Variants in RBL1 observed in about 807,000 individuals in gnomAD.
RBL1 encodes the protein retinoblastoma-like protein 1.
In RBL1, 82 loss-of-function variants were observed where a neutral mutation model predicts 123.0. The observed-to-expected ratio is 0.67, with a 90% CI of 0.56 to 0.80. The LOEUF (loss-of-function observed/expected upper bound fraction) is 0.80, where lower values mean the gene tolerates loss of function less well. Ranked by LOEUF, RBL1 falls within the 30% of genes least tolerant of loss-of-function variation. The pLI, the probability that RBL1 is intolerant of heterozygous loss-of-function variation, is 0.00. For missense variants in RBL1, 1,171 were observed against 1,299.6 expected (o/e 0.90, Z 1.52); for synonymous variants, 405 against 441.3 (o/e 0.92, Z 1.03).
At chr20:37,095,259 A>G (rs1324791370) in intron 1 of RBL1, among the ~76,000 whole-genome samples, 1 of 152,012 alleles carries the variant, frequency 6.6e-6, no homozygotes, top group Non-Finnish European at 1.5e-5. Context: ...CAGAGGGTGG[A>G]GGTTAAACGG....
intron 13 of RBL1, 48 bp downstream of exon 13, chr20:37,044,033 GTTTTT>G: frequency 2.0e-5 from 18 of 912,598 alleles, no homozygotes; most frequent in South Asian, 7.4e-5. Context: ...AATAAAGCTG[GTTTTT>G]TTTTTTTTTT....
intron 15 of RBL1, among the ~76,000 whole-genome samples, chr20:37,033,614 CTTT>C (rs1379232315): frequency 3.2e-5 from 4 of 125,774 alleles, no homozygotes; most frequent in East Asian, 2.4e-4. Context: ...TGCAGCTGGA[CTTT>C]TTTTTTTTTT....
intron 2 of RBL1, among the ~76,000 whole-genome samples, chr20:37,077,893 T>G (rs1236365847): frequency 1.3e-5 from 2 of 152,136 alleles, no homozygotes; most frequent in Non-Finnish European, 2.9e-5. Context: ...AAATTTAAAA[T>G]TTACCAATTG....
intron 14 of RBL1, among the ~76,000 whole-genome samples, chr20:37,037,680 G>GT (rs60536656): frequency 0.026 from 3,745 of 143,506 alleles, 138 homozygotes; most frequent in African/African-American, 0.082. Flanking sequence ...ATGCAATCTT[G>GT]TTTTTTTTTT....
intron 16 of RBL1, among the ~76,000 whole-genome samples, chr20:37,029,126 C>T (rs149063313): frequency 6.6e-6 from 1 of 152,156 alleles, no homozygotes; most frequent in East Asian, 1.9e-4. Context: ...TCAAGTGATA[C>T]AGGAAAGCAT....
chr20:37,046,720 T>G (rs1176276161), intron 12 of RBL1, among the ~76,000 whole-genome samples: 4 of 151,998 alleles, frequency 2.6e-5, no homozygotes, highest in African/African-American at 9.7e-5. Flanking sequence ...GCAATTCTCC[T>G]GCCTCAGCCT....
intron 16 of RBL1, among the ~76,000 whole-genome samples, chr20:37,023,214 T>C (rs1309819521): frequency 6.6e-6 from 1 of 152,038 alleles, no homozygotes; most frequent in East Asian, 1.9e-4. Flanking sequence ...CTCTGCCTTC[T>C]GCATTCAAGC....
intron 21 of RBL1, among the ~76,000 whole-genome samples, chr20:37,001,947 C>G (rs1227256205): frequency 2.2e-5 from 3 of 137,210 alleles, no homozygotes; most frequent in Non-Finnish European, 3.1e-5. Flanking sequence ...AAAAAACAAA[C>G]CAAACCAATC....
At chr20:37,001,245 C>T (rs1389333646) in intron 21 of RBL1, among the ~76,000 whole-genome samples, 1 of 152,004 alleles carries the variant, frequency 6.6e-6, no homozygotes, top group Non-Finnish European at 1.5e-5. Flanking sequence ...CGGCCACCAC[C>T]CCGTCTGGGA....
In RBL1 at chr20:37,051,174, C is replaced by T. The variant is rs76116543; in HGVS notation, c.1468-3984G>A. 3.5e-3 allele frequency among the ~76,000 whole-genome samples: 490 copies of T among 141,996 alleles called. 7 individuals are homozygous for T. The highest frequency in any genetic ancestry group is 0.013 in the African/African-American group (476 of 37,916). 93.2% of individuals were successfully genotyped at this position (141,996 alleles called of 152,430 possible). A position where few individuals can be genotyped will look rare whatever the true frequency, so the allele number is the denominator to read the frequency against. The stretch of plus-strand genomic sequence containing the variant: ...GCAATCCTCATGCCTCAGCCTCCCA[C>T]AGATCTTTTTTTCTTTTTTTTTTCT... On this transcript the variant is annotated intron_variant, in intron 11 of 21. Transcript: ENST00000373664.
chr20:37,072,393 GGGA>G (rs1161874159), intron 2 of RBL1, among the ~76,000 whole-genome samples: 4 of 150,358 alleles, frequency 2.7e-5, no homozygotes, highest in African/African-American at 7.3e-5. Context: ...GCTTGAACCC[GGGA>G]GGTGGAAGTT....
At chr20:37,051,020 T>G (rs1201794031) in intron 11 of RBL1, among the ~76,000 whole-genome samples, 1 of 152,074 alleles carries the variant, frequency 6.6e-6, no homozygotes, top group Non-Finnish European at 1.5e-5. Context: ...TTAAGTTTTT[T>G]TTTGTTTTTA....
In RBL1 at chr20:37,013,441, A is replaced by C. The variant is rs60056200; in HGVS notation, c.2722+4838T>G. ...TCCCTAATCTCAAGTACCCCGGGAC[A>C]CAAACACTGCGGAAGGCCGCAGGGT... On this transcript the variant is annotated intron_variant, in intron 19 of 21. Coordinates refer to ENST00000373664, the MANE Select transcript of RBL1 (RefSeq NM_002895.5). 8.8e-3 allele frequency among the ~76,000 whole-genome samples: 1,342 copies of C among 151,802 alleles called. 18 individuals are homozygous for C. The highest frequency in any genetic ancestry group is 0.03 in the African/African-American group (1,235 of 41,348).
Position 37,062,054 on chromosome 20 carries a change from C to G in RBL1, c.1083+30G>C, listed in dbSNP as rs1600556427. Reference sequence around the variant, plus strand: ...CACACACAGAGAGAAAAAGATCATTCAAGATTGAGGCCAGGCTAGGTTATA... The same window carrying G: ...CACACACAGAGAGAAAAAGATCATTGAAGATTGAGGCCAGGCTAGGTTATA... On this transcript the variant is annotated intron_variant, in intron 8 of 21. Transcript: ENST00000373664. 5.7e-6 allele frequency: 9 copies of G among 1,573,422 alleles called. No homozygotes were observed. The East Asian group carries it at 2.1e-4, about 36-fold the overall frequency.
intron 11 of RBL1, chr20:37,049,658 A>G: frequency 1.3e-6 from 1 of 753,998 alleles, no homozygotes; most frequent in South Asian, 1.4e-5. Flanking sequence ...GACAGACATT[A>G]TTGTGGCAAA....
At position 36,998,705 on chromosome 20, in the gene RBL1, C is replaced by T; in HGVS notation, c.*54G>A. The stretch of plus-strand genomic sequence containing the variant: ...CTAAAAGGTTTGAAGGACAGAGCTC[C>T]AACTTTCTGCAGAACAATCTGAAAG... On this transcript the variant is annotated 3_prime_UTR_variant, in exon 22 of 22. Transcript: ENST00000373664. 6.7e-7 allele frequency: 1 copy of T among 1,499,666 alleles called. No homozygotes were observed. The highest frequency in any genetic ancestry group is 9.1e-7 in the Non-Finnish European group (1 of 1,102,810). 92.9% of individuals were successfully genotyped at this position (1,499,666 alleles called of 1,614,324 possible).
intron 2 of RBL1, among the ~76,000 whole-genome samples, chr20:37,086,548 A>G (rs2065549580): frequency 1.3e-5 from 2 of 152,142 alleles, no homozygotes; most frequent in African/African-American, 4.8e-5. Context: ...CTCAAAAAAT[A>G]AAAATAAAAA....
rs546452168 is a variant in RBL1 at position 37,037,895 on chromosome 20, C to T, written c.1903+2258G>A. On this transcript the variant is annotated intron_variant, in intron 14 of 21. Transcript: ENST00000373664. ...AGGGACCAGTTTTCACTGTGTTGCC[C>T]GGGCTGGTCTTGAACTCCTGACCTC... Among the ~76,000 whole-genome samples, 34 of 151,960 alleles carry T rather than the reference C, an allele frequency of 2.2e-4. 2 individuals are homozygous for T. In the South Asian group the frequency reaches 6.7e-3, roughly 30 times the overall value.
In RBL1 at chr20:37,029,661, G is replaced by C. The variant is rs1457559882; in HGVS notation, c.2382+3004C>G. Among the ~76,000 whole-genome samples, 3 of 152,222 alleles carry C rather than the reference G, an allele frequency of 2.0e-5. No individual in the cohort carries two copies. The East Asian group carries it at 5.8e-4, about 29-fold the overall frequency. On this transcript the variant is annotated intron_variant, in intron 16 of 21. Coordinates refer to ENST00000373664, the MANE Select transcript of RBL1 (RefSeq NM_002895.5). ...AGTAAAATTATCTTTGTTCACAGAT[G>C]ACATAATCTTGTGTATGGAAAACTC...
Sources: allele counts gnomAD v4.1 joint callset (sites outside exome capture counted in the v4.1 genomes callset), GRCh38; gene constraint gnomAD v4.1.1; transcripts MANE v1.5; gene names NCBI Gene and HGNC (gene_info 2026-07-23, HGNC 2026-07-21).